KLRG2: variants seen among roughly 807,000 people sequenced by gnomAD.
KLRG2 encodes killer cell lectin-like receptor subfamily G member 2.
KLRG2 carries 39 observed loss-of-function variants against 35.4 expected under a neutral mutation model. That is an observed-to-expected ratio of 1.10 (90% CI 0.85 to 1.44). The LOEUF (loss-of-function observed/expected upper bound fraction) is 1.44, where lower values mean the gene tolerates loss of function less well. Ranked by LOEUF, KLRG2 falls within the 40% of genes most tolerant of loss-of-function variation. The pLI, the probability that KLRG2 is intolerant of heterozygous loss-of-function variation, is 0.00. For missense variants in KLRG2, 632 were observed against 570.9 expected (o/e 1.11, Z -1.09); for synonymous variants, 283 against 265.8 (o/e 1.06, Z -0.63).
the KLRG2 span, among the ~76,000 whole-genome samples, chr7:139,435,404 C>A: frequency 6.6e-6 from 1 of 152,226 alleles, no homozygotes; most frequent in East Asian, 1.9e-4. Flanking sequence ...GCAGGAGAAT[C>A]GCTTGAACCC....
chr7:139,448,149 C>G (rs1309874661), downstream of KLRG2, among the ~76,000 whole-genome samples: 1 of 152,062 alleles, frequency 6.6e-6, no homozygotes, highest in African/African-American at 2.4e-5. Flanking sequence ...CTGGGGGCCA[C>G]CACGCCCAGC....
chr7:139,468,797 C>A (rs1259386616), intron 3 of KLRG2, among the ~76,000 whole-genome samples: 3 of 152,138 alleles, frequency 2.0e-5, no homozygotes, highest in Non-Finnish European at 2.9e-5. Context: ...GTGCCCTAAC[C>A]CCCAGTACCT....
Position 139,483,579 on chromosome 7 carries a change from C to G in KLRG2, c.64G>C (p.Val22Leu). ...TCCAGCGTGGGGACCAGGCTTCCCA[C>G]GGGCTCCATTGGGAGCTCTGCCCCG... ...QAGAELPMEP[V>L]GSLVPTLEQP... Residue 22 changes from valine (V) to leucine (L), a missense_variant, in exon 1 of 5, where the codon GTG (valine) becomes CTG (leucine). Val to Leu is a conservative substitution (Grantham distance 32). Transcript: ENST00000340940. 6.3e-7 allele frequency: 1 copy of G among 1,597,096 alleles called. No homozygotes were observed. Among genetic ancestry groups the G allele is most frequent in the Non-Finnish European group, 8.5e-7 (1 of 1,178,452 alleles).
At chr7:139,441,775 G>T in the KLRG2 span, among the ~76,000 whole-genome samples, 3 of 152,054 alleles carry the variant, frequency 2.0e-5, no homozygotes, top group African/African-American at 7.2e-5. Context: ...TAAGTGTATT[G>T]AATCTCTTGA....
intron 3 of KLRG2, among the ~76,000 whole-genome samples, chr7:139,474,313 A>G (rs1432085789): frequency 6.6e-6 from 1 of 152,192 alleles, no homozygotes; most frequent in African/African-American, 2.4e-5. Flanking sequence ...GGCATGAGCC[A>G]CTGTGCCCCA....
intron 3 of KLRG2, among the ~76,000 whole-genome samples, chr7:139,455,257 G>C (rs1203381487): frequency 6.6e-6 from 1 of 151,668 alleles, no homozygotes. Context: ...GGCCTCAAGT[G>C]ATCTGTCCAT....
chr7:139,449,775 C>T (rs1024484514), downstream of KLRG2, among the ~76,000 whole-genome samples: 2 of 143,950 alleles, frequency 1.4e-5, no homozygotes, highest in African/African-American at 5.2e-5. Flanking sequence ...TCTTGGCTCA[C>T]TGCAAGCTCC....
intron 3 of KLRG2, among the ~76,000 whole-genome samples, chr7:139,465,691 CAAAA>C (rs573464243): frequency 2.1e-5 from 2 of 95,254 alleles, no homozygotes. Context: ...GACTCTGTCT[CAAAA>C]AAAAAAAAAA....
At chr7:139,458,943 GCCTCAGCA>G (rs1303399661) in intron 3 of KLRG2, among the ~76,000 whole-genome samples, 2 of 152,170 alleles carry the variant, frequency 1.3e-5, no homozygotes, top group Non-Finnish European at 2.9e-5. Flanking sequence ...TCCCCACCCT[GCCTCAGCA>G]CCTGCAGGAG....
At chr7:139,460,775 A>G (rs997434218) in intron 3 of KLRG2, among the ~76,000 whole-genome samples, 4 of 151,856 alleles carry the variant, frequency 2.6e-5, no homozygotes, top group African/African-American at 9.7e-5. Context: ...CCTGGCTAAC[A>G]TGGTGAAACT....
chr7:139,472,760 A>G (rs1394634228), intron 3 of KLRG2, among the ~76,000 whole-genome samples: 3 of 152,138 alleles, frequency 2.0e-5, no homozygotes, highest in Non-Finnish European at 4.4e-5. Flanking sequence ...GAAGCCCCCA[A>G]AGCTTAAGTA....
At chr7:139,481,504 T>C (rs1288511195) in intron 1 of KLRG2, among the ~76,000 whole-genome samples, 1 of 152,190 alleles carries the variant, frequency 6.6e-6, no homozygotes, top group Non-Finnish European at 1.5e-5. Context: ...GGCCTGCTTC[T>C]CAATCAGCCA....
Position 139,481,579 on chromosome 7 carries a change from T to C in KLRG2, c.757+1307A>G, listed in dbSNP as rs151290043. ...CTCCTGGCCGTTGCTCCTTCCAGTC[T>C]CTCTACCTAGCAGGGATCCCTAGCA... On this transcript the variant is annotated intron_variant, in intron 1 of 4. Coordinates refer to ENST00000340940, the MANE Select transcript of KLRG2 (RefSeq NM_198508.4). Among the ~76,000 whole-genome samples, 464 of 152,226 alleles carry C rather than the reference T, an allele frequency of 3.0e-3. 3 individuals carry two copies. The highest frequency in any genetic ancestry group is 0.011 in the African/African-American group (441 of 41,552).
At chr7:139,454,262 T>G in intron 3 of KLRG2, 48 bp from the exon 4 acceptor site, 1 of 933,132 alleles carries the variant, frequency 1.1e-6, no homozygotes, top group South Asian at 1.4e-5. Flanking sequence ...CTGGCGTGGC[T>G]TGCCTGGGGC....
At position 139,454,187 on chromosome 7, in the gene KLRG2, T is replaced by A. The variant is rs1314763459; in HGVS notation, c.1033A>T (p.Arg345Trp). 3.9e-6 allele frequency: 6 copies of A among 1,542,544 alleles called. No homozygotes were observed. Among genetic ancestry groups the A allele is most frequent in the South Asian group, 2.4e-5 (2 of 83,696 alleles). The change falls in exon 4 of 5, where the codon AGG becomes TGG. Residue 345 changes from arginine (R) to tryptophan (W), a missense_variant. Coordinates refer to ENST00000340940, the MANE Select transcript of KLRG2 (RefSeq NM_198508.4). Reference sequence around the variant, plus strand: ...CGCCAGGCCCCCACCCAGGAGTGCCTGGAGACTGGGTATCTGCCCAGGAAG... The same window carrying A: ...CGCCAGGCCCCCACCCAGGAGTGCCAGGAGACTGGGTATCTGCCCAGGAAG... ...QDFLGRYPVSRHSWVGAWRGP... is the reference protein window; with the variant it reads ...QDFLGRYPVSWHSWVGAWRGP...
chr7:139,480,283 G>T, intron 1 of KLRG2, 36 bp from the exon 2 acceptor site: 1 of 1,244,360 alleles, frequency 8.0e-7, no homozygotes, highest in South Asian at 1.2e-5. Context: ...CAGATTAGTG[G>T]AGACCATCCC....
intron 3 of KLRG2, among the ~76,000 whole-genome samples, chr7:139,456,999 C>T (rs143518301): frequency 4.3e-4 from 65 of 152,294 alleles, no homozygotes; most frequent in African/African-American, 1.5e-3. Flanking sequence ...AGAAGTGTCA[C>T]GGAAAACCCA....
At chr7:139,436,340 C>T in the KLRG2 span, among the ~76,000 whole-genome samples, 1 of 151,948 alleles carries the variant, frequency 6.6e-6, no homozygotes, top group Non-Finnish European at 1.5e-5. Flanking sequence ...TCTAGGGAAC[C>T]CCCCCCTTCA....
the KLRG2 span, among the ~76,000 whole-genome samples, chr7:139,437,415 A>T: frequency 2.4e-5 from 3 of 122,532 alleles, no homozygotes; most frequent in South Asian, 8.1e-4. Flanking sequence ...GCTGAGGGAG[A>T]CTCCATCTCC....
Sources: gnomAD v4.1 joint callset for allele counts (sites outside exome capture counted in the v4.1 genomes callset) on GRCh38, gnomAD v4.1.1 for gene constraint, MANE v1.5 for transcripts, NCBI Gene and HGNC (gene_info 2026-07-23, HGNC 2026-07-21) for gene names.